Variants in SENP2 observed in about 807,000 individuals in gnomAD.
SENP2 encodes the protein sentrin-specific protease 2.
Under a neutral mutation model 86.3 loss-of-function variants are expected in SENP2, and 16 were observed. The ratio of observed to expected loss-of-function variants is 0.19; its 90% CI spans 0.13 to 0.28. The LOEUF is 0.28. Ranked by LOEUF, SENP2 falls within the 10% of genes least tolerant of loss-of-function variation. The pLI is 1.00. For synonymous variants in SENP2, 222 were observed against 238.7 expected, an observed-to-expected ratio of 0.93 and a Z score of 0.64; for missense variants, 552 against 703.0, an observed-to-expected ratio of 0.79 and a Z score of 2.43.
chr3:185,599,096 A>G (rs1196443635), intron 4 of SENP2, 72 bp downstream of exon 4: 1 of 1,098,378 alleles, frequency 9.1e-7, no homozygotes. Flanking sequence ...TTTTGAAAAT[A>G]TGAAAGGAAA....
At chr3:185,627,610 A>G (rs186401714) in intron 16 of SENP2, among the ~76,000 whole-genome samples, 14 of 152,190 alleles carry the variant, frequency 9.2e-5, no homozygotes, top group African/African-American at 3.4e-4. Context: ...ATGGGGTTTC[A>G]CCGTGTTGGC....
Position 185,632,048 on chromosome 3 carries a change from C to T in SENP2, c.*2204C>T, listed in dbSNP as rs1712500881. ...TGAATTGAATGTGGGAGACCACAGG[C>T]CATACTTCTCTAGGCACTCACATGT... On this transcript the variant is annotated 3_prime_UTR_variant, in exon 17 of 17. Transcript: ENST00000296257. The T allele has an allele frequency of 6.6e-6, 1 of 151,616 alleles. No individual in the cohort carries two copies. Among genetic ancestry groups the T allele is most frequent in the African/African-American group, 2.4e-5 (1 of 41,236 alleles). 9.4% of individuals were successfully genotyped at this position (151,616 alleles called of 1,614,324 possible).
intron 10 of SENP2, 192 bp downstream of exon 10, chr3:185,613,600 G>A: frequency 2.7e-6 from 1 of 373,670 alleles, no homozygotes; most frequent in African/African-American, 2.1e-5. Flanking sequence ...GGAGGCCAAG[G>A]CAGAAGGATC....
chr3:185,595,246 A>G (rs1293497541), intron 2 of SENP2, among the ~76,000 whole-genome samples: 2 of 152,198 alleles, frequency 1.3e-5, no homozygotes, highest in Non-Finnish European at 2.9e-5. Flanking sequence ...ACAATTTGCT[A>G]TGTTACCAAG....
chr3:185,600,404 T>C (rs1263314993), intron 4 of SENP2, among the ~76,000 whole-genome samples: 1 of 152,204 alleles, frequency 6.6e-6, no homozygotes, highest in Non-Finnish European at 1.5e-5. Flanking sequence ...TTAGGTATGT[T>C]ACCGGCCAAA....
intron 11 of SENP2, among the ~76,000 whole-genome samples, chr3:185,616,184 A>G (rs1411469764): frequency 7.0e-6 from 1 of 142,422 alleles, no homozygotes; most frequent in African/African-American, 2.6e-5. Context: ...TAAAAGTTTA[A>G]AGGCGAGAAT....
chr3:185,598,584 T>G (rs1370471338), intron 3 of SENP2, 39 bp downstream of exon 3: 55 of 1,571,826 alleles, frequency 3.5e-5, no homozygotes, highest in Non-Finnish European at 4.8e-5. Context: ...TACTGATCTT[T>G]ATACTTAATC....
chr3:185,586,576 C>G lies in SENP2; in HGVS notation c.101+62C>G. ...ACCCCCTCCCCCACAGCGGGCTCCT[C>G]GGCCGTGATAGCTTTGATTCAGCCA... On this transcript the variant is annotated intron_variant, in intron 1 of 16. Coordinates refer to ENST00000296257, the MANE Select transcript of SENP2 (RefSeq NM_021627.3). This position sits in a 1 kb window ranked among gnomAD's most constrained non-coding sequence, Gnocchi z 4.3. 1 of 1,482,608 alleles carries G rather than the reference C, an allele frequency of 6.7e-7. No individual in the cohort carries two copies. The highest frequency in any genetic ancestry group is 1.1e-5 in the South Asian group (1 of 88,556). The allele number at this position is 1,482,608 out of a possible 1,614,324, so 91.8% of individuals were successfully genotyped here.
intron 1 of SENP2, among the ~76,000 whole-genome samples, chr3:185,589,187 A>C (rs1179889301): frequency 6.6e-6 from 1 of 152,030 alleles, no homozygotes; most frequent in Non-Finnish European, 1.5e-5. Flanking sequence ...AACTTTCCTC[A>C]ATTCCAAAGT....
chr3:185,587,732 A>AT (rs59565990), intron 1 of SENP2, among the ~76,000 whole-genome samples: 17,435 of 72,988 alleles, frequency 0.24, 2,706 homozygotes, highest in Middle Eastern at 0.3. Flanking sequence ...ATGCCCGGCT[A>AT]TTTTTTTTTT....
chr3:185,600,124 T>A (rs1379404116), intron 4 of SENP2, among the ~76,000 whole-genome samples: 2 of 152,340 alleles, frequency 1.3e-5, no homozygotes, highest in East Asian at 3.9e-4. Flanking sequence ...TGAAGCCTTT[T>A]ATTTCATTTA....
At chr3:185,611,219 T>C (rs1195225787) in intron 7 of SENP2, among the ~76,000 whole-genome samples, 1 of 152,042 alleles carries the variant, frequency 6.6e-6, no homozygotes, top group East Asian at 1.9e-4. Flanking sequence ...GAGATTTCAG[T>C]GAGGCCATGA....
chr3:185,587,584 T>TTTTTTTTTTTTTTTTTTTTTTTTTTTTA, intron 1 of SENP2, among the ~76,000 whole-genome samples: 1 of 149,680 alleles, frequency 6.7e-6, no homozygotes, highest in East Asian at 2.0e-4. Flanking sequence ...TTTTTTTTTT[T>TTTTTTTTTTTTTTTTTTTTTTTTTTTTA]GAGAAGGAGT....
At position 185,619,385 on chromosome 3, in the gene SENP2, T is replaced by C; in HGVS notation, c.1329T>C (p.Tyr443=). The change falls in exon 13 of 17, where the codon TAT becomes TAC. Residue 443 remains tyrosine (Y), a synonymous_variant. Transcript: ENST00000296257. ...TTCATGTATTCAGTACTTTCTTCTA[T>C]CCTAAATTAAAGTCTGGGGGTTACC... is the stretch of plus-strand genomic sequence containing the variant. ...PALHVFSTFF[Y]PKLKSGGYQA... 1 of 1,613,842 alleles carries C rather than the reference T, an allele frequency of 6.2e-7. No individual in the cohort carries two copies. Among genetic ancestry groups the C allele is most frequent in the Non-Finnish European group, 8.5e-7 (1 of 1,179,698 alleles).
intron 13 of SENP2, 101 bp from the exon 14 acceptor site, chr3:185,621,725 T>G (rs1711898004): frequency 6.1e-6 from 4 of 654,788 alleles, no homozygotes; most frequent in Non-Finnish European, 1.0e-5. Flanking sequence ...AAATTTATAT[T>G]GGTACATGTA....
At chr3:185,594,882 G>T (rs1047789919) in intron 2 of SENP2, among the ~76,000 whole-genome samples, 1 of 152,118 alleles carries the variant, frequency 6.6e-6, no homozygotes, top group Non-Finnish European at 1.5e-5. Context: ...GCCTCCCAAA[G>T]TGCAGCTAAT....
At chr3:185,590,355 C>A (rs1721936393) in intron 2 of SENP2, among the ~76,000 whole-genome samples, 186 bp downstream of exon 2, 1 of 152,084 alleles carries the variant, frequency 6.6e-6, no homozygotes, top group Non-Finnish European at 1.5e-5. Context: ...TGAGACCAGC[C>A]TGGCCAACAT....
At position 185,606,479 on chromosome 3, in the gene SENP2, C is replaced by T. The variant is rs779329955; in HGVS notation, c.599C>T (p.Pro200Leu). ...SEESGKGLRR[P>L]HCTVEEGVQK... ...GAGAGTGGCAAGGGTCTGAGGCGTC[C>T]CCATTGTACTGTGGAGGAGGTAAGC... Residue 200 changes from proline to leucine, a missense_variant, in exon 6 of 17, where the codon CCC becomes CTC. Transcript: ENST00000296257. The T allele has an allele frequency of 1.9e-6, 3 of 1,602,312 alleles. No individual in the cohort carries two copies. The highest frequency in any genetic ancestry group is 2.3e-5 in the South Asian group (2 of 88,184).
intron 5 of SENP2, among the ~76,000 whole-genome samples, chr3:185,604,757 T>TTA (rs1722456282): frequency 6.6e-6 from 1 of 151,972 alleles, no homozygotes; most frequent in Non-Finnish European, 1.5e-5. Context: ...TTATTTTTTT[T>TTA]CTTTTCTTTT....
Sources: gnomAD v4.1 joint callset for allele counts (sites outside exome capture counted in the v4.1 genomes callset) on GRCh38, gnomAD v4.1.1 for gene constraint, Gnocchi (gnomAD v3.1) non-coding constraint, MANE v1.5 for transcripts, NCBI Gene and HGNC (gene_info 2026-07-23, HGNC 2026-07-21) for gene names.